Variants in CCDC180 observed in about 807,000 individuals in gnomAD.
CCDC180 encodes the protein coiled-coil domain containing 180.
In CCDC180, 154 loss-of-function variants were observed where a neutral mutation model predicts 209.2. That is an observed-to-expected ratio of 0.74 (90% CI 0.65 to 0.84). The LOEUF (loss-of-function observed/expected upper bound fraction) is 0.84. CCDC180 is among the 40% of genes least tolerant of loss of function. The pLI, the probability that CCDC180 is intolerant of heterozygous loss-of-function variation, is 0.00. For synonymous variants in CCDC180, 778 were observed against 749.1 expected (o/e 1.04, Z -0.63); for missense variants, 1,874 against 1,997.3 (o/e 0.94, Z 1.18).
intron 28 of CCDC180, among the ~76,000 whole-genome samples, chr9:97,363,294 TA>T (rs1249812373): frequency 2.6e-5 from 4 of 152,232 alleles, no homozygotes; most frequent in Admixed American, 2.6e-4. Context: ...GACCTACTGT[TA>T]TAGGTGATAT....
rs1564154359 is a variant in CCDC180, at chr9:97,327,929, C to T, written c.1662-91C>T. ...AGAGCAGCCACACAGCAGCTCTACA[C>T]AGAGTTGTGTGCCAGATTGCAGCCC... On this transcript the variant is annotated intron_variant, in intron 15 of 36. Coordinates refer to ENST00000529487, the MANE Select transcript of CCDC180 (RefSeq NM_020893.6). 9 of 1,422,980 alleles carry T rather than the reference C, an allele frequency of 6.3e-6. No individual in the cohort carries two copies. In the East Asian group the frequency reaches 9.4e-5, roughly 15 times the overall value. The allele number at this position is 1,422,980 out of a possible 1,614,324, so 88.1% of individuals were successfully genotyped here.
intron 9 of CCDC180, 91 bp from the exon 10 acceptor site, chr9:97,318,372 C>T (rs1384057275): frequency 6.7e-7 from 1 of 1,499,204 alleles, no homozygotes; most frequent in African/African-American, 1.4e-5. Context: ...TGCTGAGGCT[C>T]TGAATGCTGT....
At chr9:97,371,505 C>A in intron 33 of CCDC180, 90 bp from the exon 34 acceptor site, 2 of 715,452 alleles carry the variant, frequency 2.8e-6, no homozygotes, top group South Asian at 4.4e-5. Flanking sequence ...GTCCCCAGAT[C>A]TCCCTGCAGA....
At chr9:97,318,785 A>G (rs536662996) in intron 10 of CCDC180, among the ~76,000 whole-genome samples, 1 of 152,256 alleles carries the variant, frequency 6.6e-6, no homozygotes, top group African/African-American at 2.4e-5. Flanking sequence ...GAAGAAACTT[A>G]GTGTAGCTGC....
intron 34 of CCDC180, chr9:97,372,923 G>A (rs1272000973): frequency 6.6e-6 from 1 of 152,186 alleles, no homozygotes; most frequent in African/African-American, 2.4e-5. Context: ...CAGATGTGCA[G>A]GTAAATACCA....
chr9:97,359,745 C>T (rs1334897304), intron 25 of CCDC180, among the ~76,000 whole-genome samples: 2 of 152,080 alleles, frequency 1.3e-5, no homozygotes, highest in African/African-American at 4.8e-5. Flanking sequence ...AGGAAGAGAA[C>T]TCCTGATGTT....
chr9:97,314,327 C>G (rs1373867523), intron 5 of CCDC180, 66 bp from the exon 6 acceptor site: 7 of 1,590,788 alleles, frequency 4.4e-6, no homozygotes, highest in East Asian at 4.5e-5. Flanking sequence ...TCCCCCATGA[C>G]AGGGAAGGCT....
At chr9:97,315,778 A>G (rs572959605) in intron 8 of CCDC180, among the ~76,000 whole-genome samples, 26 of 152,318 alleles carry the variant, frequency 1.7e-4, no homozygotes, top group African/African-American at 6.0e-4. Context: ...GAGTGAGCAC[A>G]GGCCTTTTCC....
intron 28 of CCDC180, chr9:97,363,752 C>T: frequency 1.9e-6 from 1 of 530,208 alleles, no homozygotes; most frequent in Non-Finnish European, 3.7e-6. Flanking sequence ...TTTGGGTCCT[C>T]ATCACGGGGA....
chr9:97,352,382 G>A (rs1826444335), intron 22 of CCDC180, among the ~76,000 whole-genome samples: 1 of 152,150 alleles, frequency 6.6e-6, no homozygotes, highest in Non-Finnish European at 1.5e-5. Context: ...TTCTGTCTGG[G>A]CTCTGGGTGT....
intron 15 of CCDC180, among the ~76,000 whole-genome samples, 166 bp from the exon 16 acceptor site, chr9:97,327,854 A>G (rs1833586372): frequency 6.6e-6 from 1 of 152,168 alleles, no homozygotes. Context: ...AAAAGTATGT[A>G]TTTCTCGTAT....
intron 2 of CCDC180, 37 bp downstream of exon 2, chr9:97,308,169 C>T (rs1832861301): frequency 1.3e-6 from 2 of 1,514,422 alleles, no homozygotes; most frequent in Non-Finnish European, 1.8e-6. Context: ...TCTCCATCCC[C>T]CTTCCCTTGC....
At chr9:97,349,370 C>A in intron 21 of CCDC180, 79 bp downstream of exon 21, 3 of 1,296,078 alleles carry the variant, frequency 2.3e-6, no homozygotes, top group South Asian at 1.4e-5. Flanking sequence ...AAGGAGCCCC[C>A]CTCCCTGTAG....
chr9:97,355,330 AT>A (rs1458960829), intron 24 of CCDC180, among the ~76,000 whole-genome samples: 1 of 151,696 alleles, frequency 6.6e-6, no homozygotes, highest in African/African-American at 2.4e-5. Context: ...AATTTTTTCT[AT>A]TTTTTGTAGA....
chr9:97,311,612 T>C (rs999494099), intron 3 of CCDC180, among the ~76,000 whole-genome samples: 1 of 152,132 alleles, frequency 6.6e-6, no homozygotes, highest in African/African-American at 2.4e-5. Context: ...GGCCTTAGTG[T>C]CACAAGGATT....
chr9:97,362,476 A>G, intron 28 of CCDC180, 35 bp downstream of exon 28: 1 of 1,599,170 alleles, frequency 6.3e-7, no homozygotes, highest in South Asian at 1.1e-5. Flanking sequence ...GCCCCTTCCC[A>G]GTCCATCCCC....
intron 35 of CCDC180, 105 bp downstream of exon 35, chr9:97,374,753 A>G (rs1827197744): frequency 2.4e-6 from 2 of 839,730 alleles, no homozygotes; most frequent in African/African-American, 3.4e-5. Context: ...CAGACCTGGG[A>G]AAGGCATTGT....
intron 19 of CCDC180, chr9:97,345,674 C>T (rs1257353834): frequency 2.6e-6 from 1 of 383,472 alleles, no homozygotes; most frequent in Non-Finnish European, 5.1e-6. Context: ...TCGCCTGAAC[C>T]CAGGAGGCGG....
At position 97,364,150 on chromosome 9, in the gene CCDC180, T is replaced by G. The variant is rs781056158; in HGVS notation, c.3980+22T>G. 4.3e-6 allele frequency: 7 copies of G among 1,611,286 alleles called. No individual in the cohort carries two copies. The South Asian group carries it at 6.6e-5, about 15-fold the overall frequency. ...CCGAGTGAGTAACAACGCCTTTCCT[T>G]TTGACTGCATTTAACCTGTTTTGGG... is the stretch of plus-strand genomic sequence containing the variant. On this transcript the variant is annotated intron_variant, in intron 29 of 36. Coordinates refer to ENST00000529487, the MANE Select transcript of CCDC180 (RefSeq NM_020893.6).
Sources: gnomAD v4.1 joint callset for allele counts (sites outside exome capture counted in the v4.1 genomes callset) on GRCh38, gnomAD v4.1.1 for gene constraint, MANE v1.5 for transcripts, NCBI Gene and HGNC (gene_info 2026-07-23, HGNC 2026-07-21) for gene names.